ELAVL2: variants seen among roughly 807,000 people sequenced by gnomAD.
ELAVL2 encodes the protein ELAV-like protein 2.
ELAVL2 carries 4 observed loss-of-function variants against 34.6 expected under a neutral mutation model. That is an observed-to-expected ratio of 0.12 (90% CI 0.06 to 0.26). ELAVL2 has a LOEUF of 0.26. Among genes scored for constraint, ELAVL2 ranks in the 10% least tolerant of loss-of-function variants. The pLI is 1.00. For synonymous variants in ELAVL2, 193 were observed against 154.8 expected (o/e 1.25, Z -1.83); for missense variants, 432 against 442.8 (o/e 0.98, Z 0.22).
chr9:23,719,830 T>C (rs1324710565), intron 3 of ELAVL2, among the ~76,000 whole-genome samples: 1 of 151,090 alleles, frequency 6.6e-6, no homozygotes, highest in African/African-American at 2.4e-5. Context: ...CCACTTTTTT[T>C]TTTTTTTTTT....
chr9:23,704,187 C>T (rs1363907387), intron 4 of ELAVL2, among the ~76,000 whole-genome samples: 3 of 145,124 alleles, frequency 2.1e-5, no homozygotes, highest in African/African-American at 7.5e-5. Flanking sequence ...CCTCCTTGGC[C>T]TCCCAAAGTG....
chr9:23,728,770 G>T lies in ELAVL2; in HGVS notation c.333+2252C>A, dbSNP rs550471748. On this transcript the variant is annotated intron_variant, in intron 3 of 6. Transcript: ENST00000397312. Reference sequence around the variant, plus strand: ...TGTCTAATGGAAATAAATAAACATAGAAAGAACAAACAGGCAAAGGGGGTG... The same window carrying T: ...TGTCTAATGGAAATAAATAAACATATAAAGAACAAACAGGCAAAGGGGGTG... 2.0e-5 allele frequency among the ~76,000 whole-genome samples: 3 copies of T among 152,116 alleles called. No homozygotes were observed. The South Asian group carries it at 6.2e-4, about 32-fold the overall frequency.
intron 3 of ELAVL2, among the ~76,000 whole-genome samples, chr9:23,710,731 A>G (rs1166458964): frequency 1.3e-5 from 2 of 152,174 alleles, no homozygotes; most frequent in African/African-American, 2.4e-5. Context: ...TGCTGTTCAT[A>G]TTTTTTAAAG....
chr9:23,814,265 A>G (rs1242825973), intron 1 of ELAVL2, among the ~76,000 whole-genome samples: 1 of 152,144 alleles, frequency 6.6e-6, no homozygotes, highest in African/African-American at 2.4e-5. Flanking sequence ...TTCTTCAGTA[A>G]GTAAAATGTA....
the ELAVL2 span, among the ~76,000 whole-genome samples, chr9:23,836,971 T>G: frequency 6.6e-6 from 1 of 152,098 alleles, no homozygotes; most frequent in Non-Finnish European, 1.5e-5. Flanking sequence ...ATAAGCAGGG[T>G]TAAGAAGCTT....
chr9:23,748,094 TA>T (rs1212141405), intron 2 of ELAVL2, among the ~76,000 whole-genome samples: 2 of 148,590 alleles, frequency 1.3e-5, no homozygotes, highest in Admixed American at 6.9e-5. Context: ...TCCAGTGGTC[TA>T]AAAAAAAGAA....
At chr9:23,701,278 C>A in intron 5 of ELAVL2, 101 bp downstream of exon 5, 4 of 1,331,278 alleles carry the variant, frequency 3.0e-6, no homozygotes, top group Non-Finnish European at 4.2e-6. Context: ...ACAACACTGA[C>A]AAAAGCAAAC....
chr9:23,707,085 C>CAT (rs2039564690), intron 3 of ELAVL2, among the ~76,000 whole-genome samples: 1 of 152,178 alleles, frequency 6.6e-6, no homozygotes, highest in African/African-American at 2.4e-5. Flanking sequence ...AGAAAACATA[C>CAT]ATAACTATTC....
At chr9:23,819,285 G>A (rs577068135) in intron 1 of ELAVL2, among the ~76,000 whole-genome samples, 3 of 152,042 alleles carry the variant, frequency 2.0e-5, no homozygotes, top group Non-Finnish European at 4.4e-5. Flanking sequence ...ACTGAAACTG[G>A]GACAGAAAGG....
At chr9:23,725,836 C>CT (rs1462568089) in intron 3 of ELAVL2, among the ~76,000 whole-genome samples, 1 of 151,992 alleles carries the variant, frequency 6.6e-6, no homozygotes, top group Non-Finnish European at 1.5e-5. Context: ...AACATTTCTT[C>CT]TTAATATGCA....
chr9:23,703,450 T>G (rs943822903), intron 4 of ELAVL2, among the ~76,000 whole-genome samples: 1 of 152,192 alleles, frequency 6.6e-6, no homozygotes, highest in Non-Finnish European at 1.5e-5. Flanking sequence ...GGCTGTATTT[T>G]ATATACTCTC....
At chr9:23,808,062 G>C (rs1163391655) in intron 1 of ELAVL2, among the ~76,000 whole-genome samples, 1 of 152,126 alleles carries the variant, frequency 6.6e-6, no homozygotes, top group Admixed American at 6.6e-5. Context: ...AGGACTCAAA[G>C]TTCACCATCA....
chr9:23,753,373 C>A (rs2052638409), intron 2 of ELAVL2, among the ~76,000 whole-genome samples: 1 of 151,798 alleles, frequency 6.6e-6, no homozygotes, highest in Non-Finnish European at 1.5e-5. Context: ...AGGAAATGTT[C>A]CAACAGGTAC....
chr9:23,704,881 G>A (rs1365240011), intron 4 of ELAVL2, 37 bp downstream of exon 4: 4 of 1,608,710 alleles, frequency 2.5e-6, no homozygotes, highest in African/African-American at 2.7e-5. Flanking sequence ...GCTAGTCAGA[G>A]ACAGGGAAAG....
At chr9:23,693,536 T>C (rs369362020) in intron 5 of ELAVL2, 50 bp from the exon 6 acceptor site, 10 of 1,611,600 alleles carry the variant, frequency 6.2e-6, no homozygotes, top group Non-Finnish European at 7.6e-6. Flanking sequence ...TTCCCCTTGA[T>C]GTTCAAGAAA....
At chr9:23,697,236 T>A (rs1269437407) in intron 5 of ELAVL2, among the ~76,000 whole-genome samples, 1 of 152,164 alleles carries the variant, frequency 6.6e-6, no homozygotes, top group Non-Finnish European at 1.5e-5. Flanking sequence ...GAGTAAAGAA[T>A]GGTACCAGTA....
chr9:23,831,815 T>C, the ELAVL2 span, among the ~76,000 whole-genome samples: 4 of 144,552 alleles, frequency 2.8e-5, no homozygotes, highest in Non-Finnish European at 6.1e-5. Context: ...AAAAAAAAAA[T>C]GTAGTGGGAG....
intron 3 of ELAVL2, among the ~76,000 whole-genome samples, chr9:23,721,391 C>A (rs1194640398): frequency 6.6e-6 from 1 of 152,174 alleles, no homozygotes; most frequent in Non-Finnish European, 1.5e-5. Context: ...CATTTAACAA[C>A]CAAAACTAGA....
At chr9:23,730,735 G>A (rs370911989) in intron 3 of ELAVL2, among the ~76,000 whole-genome samples, 232 of 152,078 alleles carry the variant, frequency 1.5e-3, no homozygotes, top group African/African-American at 5.3e-3. Context: ...CAAGTTATAG[G>A]GCAAGTAATT....
Sources: gnomAD v4.1 joint callset for allele counts (sites outside exome capture counted in the v4.1 genomes callset) on GRCh38, gnomAD v4.1.1 for gene constraint, MANE v1.5 for transcripts, NCBI Gene and HGNC (gene_info 2026-07-23, HGNC 2026-07-21) for gene names.